Variants in PCDHA12 observed in about 807,000 individuals in gnomAD.
PCDHA12 encodes the protein protocadherin alpha-12.
A neutral mutation model predicts 60.0 loss-of-function variants in PCDHA12; 44 were observed. The ratio of observed to expected loss-of-function variants is 0.73; its 90% CI spans 0.58 to 0.94. The LOEUF is 0.94. PCDHA12 is among the 40% of genes least tolerant of loss of function. The probability of loss-of-function intolerance (pLI) is 0.00; values close to 1 mark genes in which losing one functional copy is unlikely to be tolerated. For missense variants in PCDHA12, 1,276 were observed against 1,239.7 expected, an observed-to-expected ratio of 1.03 and a Z score of -0.44; for synonymous variants, 569 against 553.0, an observed-to-expected ratio of 1.03 and a Z score of -0.40.
Position 140,875,687 on chromosome 5 carries a change from G to T in PCDHA12, c.215G>T (p.Gly72Val). ...RLFRVASKRH[G>V]DLLEVNLQNG... ...TTCCGGGTGGCGTCCAAAAGACACG[G>T]GGACCTTCTGGAGGTAAATCTGCAG... Residue 72 changes from glycine to valine, a missense_variant, in exon 1 of 4, where the codon GGG becomes GTG. Coordinates refer to ENST00000398631, the MANE Select transcript of PCDHA12 (RefSeq NM_018903.4). 10 of 1,614,012 alleles carry T rather than the reference G, an allele frequency of 6.2e-6. No individual in the cohort carries two copies. The highest frequency in any genetic ancestry group is 8.5e-6 in the Non-Finnish European group (10 of 1,180,022).
chr5:140,985,930 G>A (rs577670490), intron 3 of PCDHA12, among the ~76,000 whole-genome samples: 1 of 151,914 alleles, frequency 6.6e-6, no homozygotes, highest in East Asian at 1.9e-4. Flanking sequence ...TAGTAGAGCC[G>A]GGGTTTCACT....
intron 1 of PCDHA12, among the ~76,000 whole-genome samples, chr5:140,933,309 A>G (rs183796217): frequency 4.7e-4 from 72 of 152,092 alleles, no homozygotes; most frequent in Middle Eastern, 6.8e-3. Context: ...TAAATATGCA[A>G]TCTCGTATTC....
At chr5:141,009,205 A>G (rs1325707221) in intron 3 of PCDHA12, among the ~76,000 whole-genome samples, 8 of 152,192 alleles carry the variant, frequency 5.3e-5, no homozygotes, top group Non-Finnish European at 1.2e-4. Flanking sequence ...CTATGATTCC[A>G]ACACTTTGGG....
chr5:140,884,947 C>CA (rs2060414559), intron 1 of PCDHA12, among the ~76,000 whole-genome samples: 1 of 152,090 alleles, frequency 6.6e-6, no homozygotes, highest in Non-Finnish European at 1.5e-5. Context: ...TGAGCATTTA[C>CA]AAAAAATTCC....
intron 1 of PCDHA12, among the ~76,000 whole-genome samples, chr5:140,902,720 C>A (rs371638113): frequency 6.6e-6 from 1 of 152,050 alleles, no homozygotes; most frequent in African/African-American, 2.4e-5. Flanking sequence ...CCCCTCCCAC[C>A]CTTCCCTCCA....
At chr5:140,943,509 A>G (rs1053319828) in intron 1 of PCDHA12, among the ~76,000 whole-genome samples, 1 of 152,132 alleles carries the variant, frequency 6.6e-6, no homozygotes, top group East Asian at 1.9e-4. Flanking sequence ...GGTTCATGGA[A>G]ATGTTGAGTT....
At chr5:140,947,648 T>C (rs1476825159) in intron 1 of PCDHA12, among the ~76,000 whole-genome samples, 1 of 151,646 alleles carries the variant, frequency 6.6e-6, no homozygotes, top group Non-Finnish European at 1.5e-5. Context: ...TGAACATATA[T>C]ACCTCCATTT....
chr5:140,875,805 C>A lies in PCDHA12; in HGVS notation c.333C>A (p.Asp111Glu). 6.2e-7 allele frequency: 1 copy of A among 1,614,172 alleles called. No individual in the cohort carries two copies. Among genetic ancestry groups the A allele is most frequent in the Non-Finnish European group, 8.5e-7 (1 of 1,180,034 alleles). ...ECSIHLEVIV[D>E]RPLQVFHVDV... is the part of the protein sequence containing the mutation. ...GTATCCACCTGGAGGTGATCGTGGACAGGCCGCTGCAGGTTTTCCATGTGG... is the reference window on the plus strand; with the variant it reads ...GTATCCACCTGGAGGTGATCGTGGAAAGGCCGCTGCAGGTTTTCCATGTGG... Residue 111 changes from aspartate to glutamate, a missense_variant, in exon 1 of 4, where the codon GAC becomes GAA. Asp to Glu is a conservative substitution (Grantham distance 45). Coordinates refer to ENST00000398631, the MANE Select transcript of PCDHA12 (RefSeq NM_018903.4).
At chr5:141,006,313 G>A (rs190584023) in intron 3 of PCDHA12, among the ~76,000 whole-genome samples, 18 of 152,072 alleles carry the variant, frequency 1.2e-4, no homozygotes, top group Admixed American at 1.1e-3. Context: ...CCGGGTTCAT[G>A]CCATTCTCCT....
chr5:140,926,906 G>A (rs781809570), intron 1 of PCDHA12: 1 of 1,559,584 alleles, frequency 6.4e-7, no homozygotes, highest in Admixed American at 1.8e-5. Context: ...GTGGGCTGTG[G>A]GGTGGCAGTT....
In PCDHA12 at chr5:140,883,232, G is replaced by C. The variant is rs782490836; in HGVS notation, c.2367+5393G>C. 3 of 1,613,952 alleles carry C rather than the reference G, an allele frequency of 1.9e-6. No individual in the cohort carries two copies. The Admixed American group carries it at 5.0e-5, about 27-fold the overall frequency. On this transcript the variant is annotated intron_variant, in intron 1 of 3. Transcript: ENST00000398631. ...GAAATTATATGAAATATCCGTGGAGGCAGTTGACAAAGGAAATATTCCAAT... is the reference window on the plus strand; with the variant it reads ...GAAATTATATGAAATATCCGTGGAGCCAGTTGACAAAGGAAATATTCCAAT...
Position 140,883,341 on chromosome 5 carries a change from C to A in PCDHA12, c.2367+5502C>A, listed in dbSNP as rs144000682. The A allele has an allele frequency of 4.3e-5, 70 of 1,614,144 alleles. No homozygotes were observed. The African/African-American group carries it at 9.1e-4, about 21-fold the overall frequency. The stretch of plus-strand genomic sequence containing the variant: ...GTTACCATCACTTCTTTGTCACTCC[C>A]CATCAGAGAAGACACTCAGCCTAGC... On this transcript the variant is annotated intron_variant, in intron 1 of 3. Transcript: ENST00000398631.
intron 1 of PCDHA12, among the ~76,000 whole-genome samples, chr5:140,957,433 A>G (rs2095359030): frequency 6.6e-6 from 1 of 152,202 alleles, no homozygotes; most frequent in Non-Finnish European, 1.5e-5. Flanking sequence ...TACTGTGCCT[A>G]ATTTATAAAT....
intron 1 of PCDHA12, chr5:140,927,062 T>C: frequency 6.2e-7 from 1 of 1,611,326 alleles, no homozygotes; most frequent in Non-Finnish European, 8.5e-7. Flanking sequence ...AACTTTCGCT[T>C]CCTTTCCAGC....
chr5:140,967,006 C>G, intron 1 of PCDHA12: 1 of 1,605,750 alleles, frequency 6.2e-7, no homozygotes, highest in Non-Finnish European at 8.5e-7. Flanking sequence ...TGCGCATCAA[C>G]CATCTGGGTG....
intron 3 of PCDHA12, among the ~76,000 whole-genome samples, chr5:141,000,387 CTCTCTCTCTATA>C (rs1217065500): frequency 3.9e-4 from 26 of 66,870 alleles, no homozygotes; most frequent in African/African-American, 1.1e-3. Context: ...CTCTCTCTCT[CTCTCTCTCTATA>C]TATATATATA....
chr5:140,916,220 A>G (rs886998484), intron 1 of PCDHA12, among the ~76,000 whole-genome samples: 11 of 152,084 alleles, frequency 7.2e-5, no homozygotes, highest in African/African-American at 2.7e-4. Context: ...AGATCCAAAT[A>G]TGCTTTCCAG....
At chr5:140,895,691 T>C (rs571770501) in intron 1 of PCDHA12, among the ~76,000 whole-genome samples, 3 of 152,322 alleles carry the variant, frequency 2.0e-5, no homozygotes, top group South Asian at 4.1e-4. Flanking sequence ...TCTGTTTCTA[T>C]ATTAATTCAC....
At position 141,011,003 on chromosome 5, in the gene PCDHA12, C is replaced by G. The variant is rs748731648; in HGVS notation, c.*1066C>G. 2.0e-5 allele frequency: 3 copies of G among 153,824 alleles called. No homozygotes were observed. In the South Asian group the frequency reaches 6.2e-4, roughly 32 times the overall value. 9.5% of individuals were successfully genotyped at this position (153,824 alleles called of 1,614,324 possible). On this transcript the variant is annotated 3_prime_UTR_variant, in exon 4 of 4. Coordinates refer to ENST00000398631, the MANE Select transcript of PCDHA12 (RefSeq NM_018903.4). ...ATTGCCTGAAACATCTGTATTATAT[C>G]GGCCACCTGCCAATCACAGCTTTAC...
Sources: allele counts gnomAD v4.1 joint callset (sites outside exome capture counted in the v4.1 genomes callset), GRCh38; gene constraint gnomAD v4.1.1; transcripts MANE v1.5; gene names NCBI Gene and HGNC (gene_info 2026-07-23, HGNC 2026-07-21).